Variants in RUNX2 observed in about 807,000 individuals in gnomAD.
RUNX2 encodes the protein RUNX family transcription factor 2, also known as runt-related transcription factor 2.
In RUNX2, 10 loss-of-function variants were observed where a neutral mutation model predicts 51.7. That is an observed-to-expected ratio of 0.19 (90% confidence interval 0.12 to 0.33). The LOEUF is 0.33. Ranked by LOEUF, RUNX2 falls within the 10% of genes least tolerant of loss-of-function variation. The probability of loss-of-function intolerance (pLI) is 1.00; values close to 1 mark genes in which losing one functional copy is unlikely to be tolerated. For synonymous variants in RUNX2, 276 were observed against 273.6 expected (o/e 1.01, Z -0.09); for missense variants, 562 against 691.3 (o/e 0.81, Z 2.10).
chr6:45,491,255 A>T (rs966948739), intron 5 of RUNX2, among the ~76,000 whole-genome samples: 8 of 152,204 alleles, frequency 5.3e-5, no homozygotes, highest in African/African-American at 1.9e-4. Context: ...ATTTAAAATA[A>T]AAAAGCATTC....
intron 2 of RUNX2, among the ~76,000 whole-genome samples, chr6:45,341,702 T>G (rs1458334718): frequency 6.6e-6 from 1 of 152,120 alleles, no homozygotes; most frequent in Admixed American, 6.5e-5. Context: ...GAATAACAGA[T>G]AGTTAAAAGT....
chr6:45,545,072 G>T (rs1400485891), intron 7 of RUNX2, 145 bp from the exon 8 acceptor site: 6 of 718,712 alleles, frequency 8.3e-6, no homozygotes, highest in Admixed American at 6.2e-5. Flanking sequence ...TGGGCCTGCA[G>T]ACTCTGGGAA....
rs747352254 is a variant in RUNX2 at position 45,328,430 on chromosome 6, T to TC, written c.-96dup. 9.7e-6 allele frequency: 14 copies of TC among 1,445,862 alleles called. No homozygotes were observed. The South Asian group carries it at 1.5e-4, about 15-fold the overall frequency. The allele number at this position is 1,445,862 out of a possible 1,614,324, so 89.6% of individuals were successfully genotyped here. The stretch of plus-strand genomic sequence containing the variant: ...TTTTTAAATGGTTAATCTCCGCAGG[T>TC]CACTACCAGCCACCGAGACCAACAG... On this transcript the variant is annotated 5_prime_UTR_variant, in exon 1 of 9. It removes the in-frame stop codon of an upstream open reading frame in the 5' UTR. Coordinates refer to ENST00000647337, the MANE Select transcript of RUNX2 (RefSeq NM_001024630.4).
At chr6:45,330,188 T>C (rs1227246770) in intron 2 of RUNX2, among the ~76,000 whole-genome samples, 1 of 151,906 alleles carries the variant, frequency 6.6e-6, no homozygotes, top group African/African-American at 2.4e-5. Flanking sequence ...TTATAATATA[T>C]ACAATATAAT....
chr6:45,356,980 C>T (rs1057357872), intron 2 of RUNX2, among the ~76,000 whole-genome samples: 3 of 152,098 alleles, frequency 2.0e-5, no homozygotes, highest in African/African-American at 7.2e-5. Flanking sequence ...ACTAACCACT[C>T]TCTGATATAT....
At chr6:45,532,547 G>A (rs1164009798) in intron 7 of RUNX2, among the ~76,000 whole-genome samples, 1 of 152,032 alleles carries the variant, frequency 6.6e-6, no homozygotes, top group Non-Finnish European at 1.5e-5. Context: ...ATAGGCTACT[G>A]ACATTGTATT....
intron 6 of RUNX2, among the ~76,000 whole-genome samples, chr6:45,502,164 A>G (rs1461812438): frequency 4.6e-5 from 7 of 152,014 alleles, no homozygotes; most frequent in African/African-American, 1.7e-4. Flanking sequence ...CATTTTTGCC[A>G]TGTTGTGGGA....
At chr6:45,359,125 T>C (rs1406848) in intron 2 of RUNX2, among the ~76,000 whole-genome samples, 23,010 of 152,164 alleles carry the variant, frequency 0.15, 1,976 homozygotes, top group East Asian at 0.26. Context: ...CTAGTTATTA[T>C]CTTCTCATGA....
intron 2 of RUNX2, among the ~76,000 whole-genome samples, chr6:45,375,549 A>AT (rs898959790): frequency 0.022 from 3,305 of 147,962 alleles, 118 homozygotes; most frequent in African/African-American, 0.076. Flanking sequence ...CAAGAGCATC[A>AT]TTTTTTTTTT....
At chr6:45,497,951 A>G (rs1800694399) in intron 6 of RUNX2, among the ~76,000 whole-genome samples, 1 of 152,274 alleles carries the variant, frequency 6.6e-6, no homozygotes, top group South Asian at 2.1e-4. Flanking sequence ...AATGCTTGTC[A>G]TGTGTCAGGC....
chr6:45,440,419 A>G (rs527480009), intron 5 of RUNX2, among the ~76,000 whole-genome samples: 16 of 152,302 alleles, frequency 1.1e-4, no homozygotes, highest in Admixed American at 3.9e-4. Context: ...TGGTGCATAT[A>G]ATGTTAAATG....
intron 5 of RUNX2, among the ~76,000 whole-genome samples, chr6:45,490,112 G>T (rs894402329): frequency 2.0e-5 from 3 of 152,136 alleles, no homozygotes; most frequent in Non-Finnish European, 4.4e-5. Flanking sequence ...GGCAGCCGAG[G>T]ACCATAAGCT....
intron 6 of RUNX2, among the ~76,000 whole-genome samples, chr6:45,508,314 C>T (rs1467758703): frequency 4.7e-5 from 7 of 150,172 alleles, no homozygotes; most frequent in South Asian, 2.1e-4. Flanking sequence ...CCGCAACCTC[C>T]GCCTCTTGGG....
In RUNX2 at chr6:45,545,257, C is replaced by T. The variant is rs1368310690; in HGVS notation, c.1062C>T (p.Ser354=). Residue 354 remains serine (S), a synonymous_variant, in exon 8 of 9, where the codon TCC becomes TCT. Transcript: ENST00000647337. ...TATSDFCLWP[S]TLSKKSQAGA... Reference sequence around the variant, plus strand: ...CCTCTGACTTCTGCCTCTGGCCTTCCACTCTCAGTAAGAAGAGCCAGGCAG... The same window carrying T: ...CCTCTGACTTCTGCCTCTGGCCTTCTACTCTCAGTAAGAAGAGCCAGGCAG... The T allele has an allele frequency of 1.9e-6, 3 of 1,550,212 alleles. No homozygotes were observed. In the East Asian group the frequency reaches 7.3e-5, roughly 38 times the overall value.
At position 45,367,843 on chromosome 6, in the gene RUNX2, C is replaced by T. The variant is rs62400333; in HGVS notation, c.58+39059C>T. 1.8e-3 allele frequency among the ~76,000 whole-genome samples: 270 copies of T among 152,278 alleles called. 1 individual carries two copies. The highest frequency in any genetic ancestry group is 3.0e-3 in the Non-Finnish European group (203 of 68,012). The stretch of plus-strand genomic sequence containing the variant: ...CATGATCATCCTTTCACAGTCAAGT[C>T]AATTTTTATATCAAACAGGTGAATA... On this transcript the variant is annotated intron_variant, in intron 2 of 8. Coordinates refer to ENST00000647337, the MANE Select transcript of RUNX2 (RefSeq NM_001024630.4).
At position 45,548,710 on chromosome 6, in the gene RUNX2, G is replaced by A. The variant is rs1802476488; in HGVS notation, c.*1405G>A. ...AGGCTTCATAGCAAAGACATAGTCA[G>A]CTAAAAGCCGCACATGTGGATAGAG... On this transcript the variant is annotated 3_prime_UTR_variant, in exon 9 of 9. Transcript: ENST00000647337. The A allele has an allele frequency of 6.3e-6, 1 of 158,190 alleles. No individual in the cohort carries two copies. Among genetic ancestry groups the A allele is most frequent in the Non-Finnish European group, 1.4e-5 (1 of 72,002 alleles). 9.8% of individuals were successfully genotyped at this position (158,190 alleles called of 1,614,324 possible).
intron 3 of RUNX2, 111 bp downstream of exon 3, chr6:45,423,068 T>TG: frequency 6.9e-7 from 1 of 1,440,354 alleles, no homozygotes; most frequent in African/African-American, 1.5e-5. Flanking sequence ...CCTCCTGCCT[T>TG]GGCGGCTCTA....
chr6:45,431,402 A>C (rs1381612098), intron 3 of RUNX2, among the ~76,000 whole-genome samples: 1 of 152,176 alleles, frequency 6.6e-6, no homozygotes, highest in Non-Finnish European at 1.5e-5. Flanking sequence ...GTTTCACTTA[A>C]AAATCTTCTC....
chr6:45,514,068 CAACCCACTGTGGCTGA>C (rs1801246628), intron 7 of RUNX2, among the ~76,000 whole-genome samples: 1 of 152,104 alleles, frequency 6.6e-6, no homozygotes, highest in Non-Finnish European at 1.5e-5. Context: ...TCCATCTGCC[CAACCCACTGTGGCTGA>C]AGCAGATTTT....
Sources: allele counts gnomAD v4.1 joint callset (sites outside exome capture counted in the v4.1 genomes callset), GRCh38; gene constraint gnomAD v4.1.1; transcripts MANE v1.5; gene names NCBI Gene and HGNC (gene_info 2026-07-23, HGNC 2026-07-21).